The following SNTG1 variants were observed in gnomAD, a reference collection of about 807,000 sequenced individuals.
SNTG1 encodes the protein gamma-1-syntrophin.
A neutral mutation model predicts 74.7 loss-of-function variants in SNTG1; 39 were observed. That is an observed-to-expected ratio of 0.52 (90% CI 0.40 to 0.68). The LOEUF (loss-of-function observed/expected upper bound fraction) is 0.68. Ranked by LOEUF, SNTG1 falls within the 30% of genes least tolerant of loss-of-function variation. SNTG1 has a pLI of 0.00. For missense variants in SNTG1, 685 were observed against 609.5 expected (o/e 1.12, Z -1.30); for synonymous variants, 254 against 217.1 (o/e 1.17, Z -1.49).
intron 1 of SNTG1, among the ~76,000 whole-genome samples, chr8:49,970,652 G>T (rs1029091172): frequency 1.2e-4 from 18 of 152,192 alleles, no homozygotes; most frequent in African/African-American, 3.4e-4. Context: ...GTCAGAGAAG[G>T]TTATAACTTA....
At chr8:50,151,433 A>T (rs2082065966) in intron 1 of SNTG1, among the ~76,000 whole-genome samples, 1 of 151,872 alleles carries the variant, frequency 6.6e-6, no homozygotes, top group African/African-American at 2.4e-5. Context: ...GATCTTAGTC[A>T]TTCCTTGCCT....
At chr8:50,501,413 A>G (rs115044867) in intron 8 of SNTG1, among the ~76,000 whole-genome samples, 3,377 of 128,432 alleles carry the variant, frequency 0.026, 131 homozygotes, top group African/African-American at 0.088. Flanking sequence ...GCAGAGAGAG[A>G]TGAGCCTGTG....
chr8:50,083,168 A>G (rs1822568308), intron 1 of SNTG1, among the ~76,000 whole-genome samples: 1 of 152,158 alleles, frequency 6.6e-6, no homozygotes, highest in African/African-American at 2.4e-5. Context: ...TCTTAGCTGA[A>G]ATTCAGTAGT....
At chr8:50,278,302 A>T (rs2088233513) in intron 2 of SNTG1, among the ~76,000 whole-genome samples, 2 of 152,194 alleles carry the variant, frequency 1.3e-5, no homozygotes, top group African/African-American at 4.8e-5. Flanking sequence ...TCAAAGACAA[A>T]GAGTTGCTTA....
intron 2 of SNTG1, among the ~76,000 whole-genome samples, chr8:50,325,042 G>C (rs1489373763): frequency 9.8e-6 from 1 of 101,918 alleles, no homozygotes; most frequent in Non-Finnish European, 2.1e-5. Flanking sequence ...CAATAGAACA[G>C]AATAAATAAC....
rs2093279034 is a variant in SNTG1, at chr8:50,434,468, G to A, written c.163-4075G>A. On this transcript the variant is annotated intron_variant, in intron 4 of 18. Coordinates refer to ENST00000642720, the MANE Select transcript of SNTG1 (RefSeq NM_018967.5). The stretch of plus-strand genomic sequence containing the variant: ...TAGATCCTTGAGGAATCGCCACACT[G>A]TCTTCCACAATGTTTGAACAGTTTA... Among the ~76,000 whole-genome samples, 4 of 88,260 alleles carry A rather than the reference G, an allele frequency of 4.5e-5. No individual in the cohort carries two copies. In the South Asian group the frequency reaches 1.3e-3, roughly 28 times the overall value. 57.9% of individuals were successfully genotyped at this position (88,260 alleles called of 152,430 possible).
chr8:50,512,548 T>TA (rs1236847017), intron 9 of SNTG1, among the ~76,000 whole-genome samples: 1 of 152,214 alleles, frequency 6.6e-6, no homozygotes, highest in East Asian at 1.9e-4. Context: ...TACTTTCAGG[T>TA]ATATCAATCA....
Position 50,187,810 on chromosome 8 carries a change from T to C in SNTG1, c.-28+15175T>C, listed in dbSNP as rs542451602. Among the ~76,000 whole-genome samples, 14 of 152,294 alleles carry C rather than the reference T, an allele frequency of 9.2e-5. No homozygotes were observed. In the South Asian group the frequency reaches 2.9e-3, roughly 32 times the overall value. On this transcript the variant is annotated intron_variant, in intron 2 of 18. Transcript: ENST00000642720. ...ATCAGGGAAAGCAAATCAATACCTG[T>C]AGTAAGTATTCCACTATGAACAAAG...
At chr8:50,402,367 GA>G in intron 4 of SNTG1, 23 bp downstream of exon 4, 1 of 1,562,624 alleles carries the variant, frequency 6.4e-7, no homozygotes, top group South Asian at 1.2e-5. Flanking sequence ...TTCTTCTGTT[GA>G]AATTTTTTGT....
At chr8:50,296,934 C>T (rs2089410900) in intron 2 of SNTG1, among the ~76,000 whole-genome samples, 1 of 152,164 alleles carries the variant, frequency 6.6e-6, no homozygotes, top group Non-Finnish European at 1.5e-5. Context: ...TCCCACATAG[C>T]TCATAAATCC....
intron 1 of SNTG1, among the ~76,000 whole-genome samples, chr8:50,070,793 C>A (rs1337462069): frequency 1.3e-5 from 2 of 152,170 alleles, no homozygotes; most frequent in African/African-American, 4.8e-5. Context: ...AGAACTCAGG[C>A]AAGGCATTCT....
chr8:50,613,740 C>G (rs138138798), intron 13 of SNTG1, among the ~76,000 whole-genome samples: 1 of 151,506 alleles, frequency 6.6e-6, no homozygotes, highest in East Asian at 1.9e-4. Context: ...TCCAACTCTT[C>G]TTTTTAGAAG....
intron 2 of SNTG1, among the ~76,000 whole-genome samples, chr8:50,340,134 G>A (rs2091276624): frequency 6.6e-6 from 1 of 151,986 alleles, no homozygotes; most frequent in Non-Finnish European, 1.5e-5. Flanking sequence ...TTGTTAAGAT[G>A]TTGATTTTTC....
intron 9 of SNTG1, among the ~76,000 whole-genome samples, chr8:50,505,969 T>C (rs1482108609): frequency 6.6e-6 from 1 of 152,056 alleles, no homozygotes; most frequent in Non-Finnish European, 1.5e-5. Context: ...TCTGCTAGGA[T>C]TTTTTACAGC....
Position 49,938,603 on chromosome 8 carries a change from TTTTCTTTCTTTCTTTC to T in SNTG1, c.-103+26397_-103+26412del, listed in dbSNP as rs138959195. Among the ~76,000 whole-genome samples, 200 of 74,746 alleles carry T rather than the reference TTTTCTTTCTTTCTTTC, an allele frequency of 2.7e-3. 6 individuals carry two copies. Among genetic ancestry groups the T allele is most frequent in the African/African-American group, 8.6e-3 (190 of 22,118 alleles). The allele number at this position is 74,746 out of a possible 152,430, so 49.0% of individuals were successfully genotyped here. On this transcript the variant is annotated intron_variant, in intron 1 of 18. Coordinates refer to ENST00000642720, the MANE Select transcript of SNTG1 (RefSeq NM_018967.5). ...TTTTCTTTTCTTTTCTTTTCTTTTC[TTTTCTTTCTTTCTTTC>T]TTTCTTTCTTTCTTTCTTTCTTTCC...
At chr8:50,047,800 C>T (rs1389487148) in intron 1 of SNTG1, among the ~76,000 whole-genome samples, 2 of 152,106 alleles carry the variant, frequency 1.3e-5, no homozygotes, top group Non-Finnish European at 2.9e-5. Context: ...TTCTCCATGC[C>T]TTAGAGATTC....
At chr8:50,600,094 T>C (rs2094761595) in intron 13 of SNTG1, among the ~76,000 whole-genome samples, 1 of 152,202 alleles carries the variant, frequency 6.6e-6, no homozygotes, top group Admixed American at 6.5e-5. Flanking sequence ...GTTGACATGA[T>C]GTGTCACATT....
At chr8:50,085,225 A>C (rs1264382901) in intron 1 of SNTG1, among the ~76,000 whole-genome samples, 2 of 152,216 alleles carry the variant, frequency 1.3e-5, no homozygotes, top group Non-Finnish European at 1.5e-5. Context: ...TGTGCAAGTC[A>C]GAACAAACAA....
At chr8:50,294,175 A>T (rs1563856963) in intron 2 of SNTG1, among the ~76,000 whole-genome samples, 1 of 152,216 alleles carries the variant, frequency 6.6e-6, no homozygotes, top group Non-Finnish European at 1.5e-5. Context: ...AAGATAACCT[A>T]ATATTATTAC....
Sources: gnomAD v4.1 joint callset for allele counts (sites outside exome capture counted in the v4.1 genomes callset) on GRCh38, gnomAD v4.1.1 for gene constraint, MANE v1.5 for transcripts, NCBI Gene and HGNC (gene_info 2026-07-23, HGNC 2026-07-21) for gene names.